NEGR1: variants seen among roughly 807,000 people sequenced by gnomAD.
The protein encoded by NEGR1 is neuronal growth regulator 1, also known as IgLON family member 4.
NEGR1 carries 10 observed loss-of-function variants against 40.9 expected under a neutral mutation model. That is an observed-to-expected ratio of 0.24 (90% CI 0.15 to 0.42). The LOEUF (loss-of-function observed/expected upper bound fraction) is 0.42. NEGR1 is among the 10% of genes least tolerant of loss of function. The probability of loss-of-function intolerance (pLI) is 1.00; values close to 1 mark genes in which losing one functional copy is unlikely to be tolerated. For synonymous variants in NEGR1, 185 were observed against 166.8 expected, an observed-to-expected ratio of 1.11 and a Z score of -0.84; for missense variants, 352 against 438.9, an observed-to-expected ratio of 0.80 and a Z score of 1.77.
At chr1:71,918,367 C>T (rs539574064) in intron 2 of NEGR1, among the ~76,000 whole-genome samples, 146 of 150,860 alleles carry the variant, frequency 9.7e-4, no homozygotes, top group Non-Finnish European at 1.2e-3. Flanking sequence ...GAAAGTGGGA[C>T]GGTTTCTCCT....
intron 6 of NEGR1, among the ~76,000 whole-genome samples, chr1:71,545,496 C>T (rs1336409902): frequency 6.6e-6 from 1 of 151,702 alleles, no homozygotes; most frequent in Non-Finnish European, 1.5e-5. Flanking sequence ...AGATTGTCCA[C>T]CATCTTCTAT....
chr1:71,733,683 G>A (rs1008092345), intron 3 of NEGR1, among the ~76,000 whole-genome samples: 27 of 152,080 alleles, frequency 1.8e-4, no homozygotes, highest in African/African-American at 6.3e-4. Flanking sequence ...GAAAATGAGA[G>A]ACCCAGGAAA....
At chr1:71,684,227 C>T (rs187023965) in intron 4 of NEGR1, among the ~76,000 whole-genome samples, 77 of 151,930 alleles carry the variant, frequency 5.1e-4, no homozygotes, top group African/African-American at 1.8e-3. Flanking sequence ...GCCCAGATCG[C>T]GCCACTGCAC....
intron 1 of NEGR1, among the ~76,000 whole-genome samples, chr1:72,096,787 A>G (rs1386496234): frequency 6.6e-6 from 1 of 151,872 alleles, no homozygotes; most frequent in Non-Finnish European, 1.5e-5. Flanking sequence ...CAGCCTCCCG[A>G]GTAGCTGGGA....
At chr1:72,060,400 G>A (rs1647155785) in intron 1 of NEGR1, among the ~76,000 whole-genome samples, 1 of 151,652 alleles carries the variant, frequency 6.6e-6, no homozygotes, top group Non-Finnish European at 1.5e-5. Flanking sequence ...AACCTTAGCT[G>A]TATTTCCCCC....
rs937162530 is a variant in NEGR1 at position 71,946,884 on chromosome 1, C to G, written c.177-11573G>C. 7.9e-5 allele frequency among the ~76,000 whole-genome samples: 12 copies of G among 151,792 alleles called. No homozygotes were observed. In the East Asian group the frequency reaches 2.3e-3, roughly 29 times the overall value. ...CTTGAGCTCAGGAGTTCAAGAGAAG[C>G]CTGGGCAACATAACAAAACCCCATC... On this transcript the variant is annotated intron_variant, in intron 1 of 6. Transcript: ENST00000357731.
intron 1 of NEGR1, among the ~76,000 whole-genome samples, chr1:72,248,402 C>T (rs1477346862): frequency 2.6e-5 from 4 of 151,672 alleles, no homozygotes; most frequent in East Asian, 1.9e-4. Context: ...GGATTATTGG[C>T]GCTTGTCACC....
At chr1:72,109,479 A>G (rs1381468631) in intron 1 of NEGR1, among the ~76,000 whole-genome samples, 4 of 151,818 alleles carry the variant, frequency 2.6e-5, no homozygotes, top group African/African-American at 7.2e-5. Context: ...AAAAATGTCT[A>G]CAGAGACTTA....
At chr1:71,869,837 A>G (rs1352438273) in intron 2 of NEGR1, among the ~76,000 whole-genome samples, 2 of 151,600 alleles carry the variant, frequency 1.3e-5, no homozygotes, top group Non-Finnish European at 2.9e-5. Flanking sequence ...GTCTTAATAT[A>G]TAGTAATGAG....
chr1:72,191,564 G>T (rs983579891), intron 1 of NEGR1, among the ~76,000 whole-genome samples: 1 of 151,400 alleles, frequency 6.6e-6, no homozygotes, highest in African/African-American at 2.4e-5. Context: ...ACATCCATAG[G>T]GTATGTGTAT....
chr1:72,139,983 C>G (rs981674391), intron 1 of NEGR1, among the ~76,000 whole-genome samples: 8 of 152,058 alleles, frequency 5.3e-5, no homozygotes, highest in African/African-American at 1.9e-4. Context: ...GTTTACCACT[C>G]CATCTTTGCT....
chr1:71,916,648 T>C (rs866428798), intron 2 of NEGR1, among the ~76,000 whole-genome samples: 4 of 151,912 alleles, frequency 2.6e-5, no homozygotes, highest in East Asian at 1.9e-4. Context: ...CACAGCTACT[T>C]GGGAGGCAGA....
At chr1:71,844,705 T>G (rs1050963800) in intron 2 of NEGR1, among the ~76,000 whole-genome samples, 4 of 152,160 alleles carry the variant, frequency 2.6e-5, no homozygotes, top group African/African-American at 9.7e-5. Context: ...GATAAGAAAT[T>G]AGTTTCTCAC....
chr1:71,882,161 A>G (rs1374580594), intron 2 of NEGR1, among the ~76,000 whole-genome samples: 1 of 152,170 alleles, frequency 6.6e-6, no homozygotes, highest in Non-Finnish European at 1.5e-5. Flanking sequence ...TCATCTAAAT[A>G]AACAGACGCG....
chr1:71,919,552 A>G (rs193176811), intron 2 of NEGR1, among the ~76,000 whole-genome samples: 1 of 147,210 alleles, frequency 6.8e-6, no homozygotes, highest in East Asian at 2.0e-4. Flanking sequence ...AACTACAGTT[A>G]CTCTTTCCAG....
At chr1:71,419,502 A>G (rs759275784) in intron 6 of NEGR1, among the ~76,000 whole-genome samples, 24 of 152,332 alleles carry the variant, frequency 1.6e-4, no homozygotes, top group Non-Finnish European at 3.5e-4. Flanking sequence ...ACATACTCTT[A>G]ATAACAACAA....
At chr1:71,585,115 A>AT (rs893350307) in intron 6 of NEGR1, among the ~76,000 whole-genome samples, 5 of 152,258 alleles carry the variant, frequency 3.3e-5, no homozygotes, top group East Asian at 1.9e-4. Context: ...ATTAAGATGC[A>AT]TTTTTTTGTC....
At chr1:71,688,462 CTT>C (rs748027559) in intron 4 of NEGR1, among the ~76,000 whole-genome samples, 4 of 8,878 alleles carry the variant, frequency 4.5e-4, no homozygotes, top group East Asian at 8.8e-3. Flanking sequence ...ATGTATATAT[CTT>C]TTTTTTTTTT....
rs1490892363 is a variant in NEGR1 at position 71,776,283 on chromosome 1, A to C, written c.424T>G (p.Tyr142Asp). The C allele has an allele frequency of 6.3e-7, 1 of 1,594,276 alleles. No homozygotes were observed. The highest frequency in any genetic ancestry group is 1.7e-5 in the Admixed American group (1 of 58,388). The part of the protein sequence containing the change: ...HLTVQVPPKI[Y>D]DISNDMTVNE... Reference sequence around the variant, plus strand: ...ACGGTCATATCATTTGAGATGTCATATATCTTAGGAGGAACTGAAATGACA... The same window carrying C: ...ACGGTCATATCATTTGAGATGTCATCTATCTTAGGAGGAACTGAAATGACA... Residue 142 changes from tyrosine (Y) to aspartate (D), a missense_variant, in exon 3 of 7, where the codon TAT becomes GAT. Tyr to Asp is a radical substitution (Grantham distance 160). Transcript: ENST00000357731.
Sources: gnomAD v4.1 joint callset for allele counts (sites outside exome capture counted in the v4.1 genomes callset) on GRCh38, gnomAD v4.1.1 for gene constraint, MANE v1.5 for transcripts, NCBI Gene and HGNC (gene_info 2026-07-23, HGNC 2026-07-21) for gene names.